CLYBL: variants seen among roughly 807,000 people sequenced by gnomAD.
CLYBL encodes the protein citramalyl-CoA lyase.
CLYBL carries 31 observed loss-of-function variants against 38.9 expected under a neutral mutation model. The ratio of observed to expected loss-of-function variants is 0.80; its 90% CI spans 0.60 to 1.08. The LOEUF (loss-of-function observed/expected upper bound fraction) is 1.08, where lower values mean the gene tolerates loss of function less well. Ranked by LOEUF, CLYBL falls within the 50% of genes least tolerant of loss-of-function variation. The pLI is 0.00. For synonymous variants in CLYBL, 171 were observed against 158.6 expected (o/e 1.08, Z -0.59); for missense variants, 434 against 411.6 (o/e 1.05, Z -0.47).
At chr13:99,612,373 T>G (rs2046638783) in intron 1 of CLYBL, among the ~76,000 whole-genome samples, 1 of 148,284 alleles carries the variant, frequency 6.7e-6, no homozygotes, top group African/African-American at 2.5e-5. Flanking sequence ...ATAATTAATT[T>G]TAGACCTTTC....
intron 3 of CLYBL, among the ~76,000 whole-genome samples, chr13:99,859,875 G>A (rs2051556333): frequency 6.6e-6 from 1 of 152,078 alleles, no homozygotes. Context: ...TGTCATTCTG[G>A]GCCCTGTGAG....
chr13:99,725,509 C>CA (rs894723252), intron 1 of CLYBL, among the ~76,000 whole-genome samples: 1 of 152,038 alleles, frequency 6.6e-6, no homozygotes, highest in African/African-American at 2.4e-5. Flanking sequence ...TTTTATTGAC[C>CA]AGCTTTCTTG....
At chr13:99,843,526 G>A (rs2051132235) in intron 2 of CLYBL, among the ~76,000 whole-genome samples, 1 of 151,750 alleles carries the variant, frequency 6.6e-6, no homozygotes, top group Admixed American at 6.6e-5. Context: ...AATGGTAGCT[G>A]ACACATAAAG....
At chr13:99,627,790 A>C (rs1415484447) in intron 1 of CLYBL, among the ~76,000 whole-genome samples, 1 of 152,242 alleles carries the variant, frequency 6.6e-6, no homozygotes, top group African/African-American at 2.4e-5. Flanking sequence ...TTTTTCTCCC[A>C]GGAGAAATAA....
intron 2 of CLYBL, among the ~76,000 whole-genome samples, chr13:99,803,939 G>A: frequency 6.6e-6 from 1 of 152,184 alleles, no homozygotes; most frequent in East Asian, 1.9e-4. Flanking sequence ...CCTGAAGGCT[G>A]GAGTGCAGGT....
downstream of CLYBL, among the ~76,000 whole-genome samples, chr13:99,900,180 GC>G (rs975333807): frequency 1.4e-4 from 18 of 132,736 alleles, no homozygotes; most frequent in African/African-American, 4.6e-4. Context: ...ACCCGCCTCG[GC>G]CTCCCAAAGT....
chr13:99,682,996 C>T (rs926941931), intron 1 of CLYBL, among the ~76,000 whole-genome samples: 3 of 151,776 alleles, frequency 2.0e-5, no homozygotes, highest in Non-Finnish European at 4.4e-5. Context: ...CCTCGCCCTC[C>T]CAAAGTGCTG....
intron 1 of CLYBL, among the ~76,000 whole-genome samples, chr13:99,729,076 C>T (rs1254269950): frequency 2.0e-5 from 3 of 152,212 alleles, no homozygotes; most frequent in Non-Finnish European, 4.4e-5. Context: ...CCAATTGTCT[C>T]CTTCCCAGAG....
chr13:99,889,088 C>A (rs1287848870), intron 7 of CLYBL, among the ~76,000 whole-genome samples: 1 of 152,172 alleles, frequency 6.6e-6, no homozygotes, highest in African/African-American at 2.4e-5. Flanking sequence ...GAAATAATCT[C>A]CCAGTCTTGA....
chr13:99,908,348 T>C (rs1566375627), exon 10 of CLYBL, among the ~76,000 whole-genome samples: 1 of 152,222 alleles, frequency 6.6e-6, no homozygotes, highest in Non-Finnish European at 1.5e-5. Flanking sequence ...GAATCGTTCC[T>C]GCTTCCAAGC....
intron 1 of CLYBL, among the ~76,000 whole-genome samples, chr13:99,762,776 A>T (rs962606240): frequency 1.3e-5 from 2 of 152,206 alleles, no homozygotes; most frequent in Admixed American, 6.5e-5. Flanking sequence ...CATTTTAATG[A>T]TATTAAAGCT....
intron 1 of CLYBL, among the ~76,000 whole-genome samples, chr13:99,733,443 A>G (rs530116320): frequency 6.6e-6 from 1 of 152,188 alleles, no homozygotes; most frequent in African/African-American, 2.4e-5. Context: ...TATTGCCTGA[A>G]CTTCCTTTTT....
intron 1 of CLYBL, among the ~76,000 whole-genome samples, chr13:99,720,323 C>T (rs942594888): frequency 3.3e-5 from 5 of 152,144 alleles, no homozygotes; most frequent in South Asian, 2.1e-4. Flanking sequence ...CCCAGTCTTT[C>T]GTATTCCCTG....
intron 2 of CLYBL, among the ~76,000 whole-genome samples, chr13:99,797,551 G>A (rs1005921228): frequency 8.0e-5 from 4 of 49,990 alleles, no homozygotes; most frequent in African/African-American, 2.8e-4. Context: ...TGTCTGCCAT[G>A]TTAGCTGTTT....
intron 1 of CLYBL, chr13:99,690,783 G>A (rs2047889518): frequency 6.6e-6 from 1 of 152,152 alleles, no homozygotes; most frequent in East Asian, 1.9e-4. Flanking sequence ...CAACCGGGGA[G>A]ATCCCATCTA....
intron 1 of CLYBL, among the ~76,000 whole-genome samples, chr13:99,714,423 C>G (rs866026103): frequency 1.4e-4 from 21 of 151,060 alleles, no homozygotes; most frequent in Middle Eastern, 3.2e-3. Context: ...TTGAGACCAG[C>G]CTGGCCAACA....
At chr13:99,754,416 C>CAAAAAAAAAAAAAAAAAAAAA (rs1172376194) in intron 1 of CLYBL, among the ~76,000 whole-genome samples, 1 of 71,886 alleles carries the variant, frequency 1.4e-5, no homozygotes, top group African/African-American at 5.7e-5. Context: ...GACCCTGTCT[C>CAAAAAAAAAAAAAAAAAAAAA]AAAAAAAAAA....
At chr13:99,659,281 A>G (rs1389261372) in intron 1 of CLYBL, among the ~76,000 whole-genome samples, 2 of 151,996 alleles carry the variant, frequency 1.3e-5, no homozygotes, top group Non-Finnish European at 2.9e-5. Context: ...CTGAGAGTGC[A>G]ATTTAAAAAA....
Position 99,866,416 on chromosome 13 carries a change from CCTGT to C in CLYBL, c.802+12_802+15del, listed in dbSNP as rs2051746184. ...CGCCATGGGCTTCACTGGTATGATT[CCTGT>C]CTTAGAAAGCAGTGTCTAAATTAGC... On this transcript the variant is annotated intron_variant, in intron 6 of 8. Transcript: ENST00000339105. The C allele has an allele frequency of 6.2e-7, 1 of 1,604,984 alleles. No homozygotes were observed. Among genetic ancestry groups the C allele is most frequent in the African/African-American group, 1.3e-5 (1 of 74,090 alleles).
Sources: allele counts gnomAD v4.1 joint callset (sites outside exome capture counted in the v4.1 genomes callset), GRCh38; gene constraint gnomAD v4.1.1; transcripts MANE v1.5; gene names NCBI Gene and HGNC (gene_info 2026-07-23, HGNC 2026-07-21).